The following FREM1 variants were observed in gnomAD, a reference collection of about 807,000 sequenced individuals.
The protein encoded by FREM1 is FRAS1-related extracellular matrix protein 1.
Under a neutral mutation model 210.1 loss-of-function variants are expected in FREM1, and 220 were observed. That is an observed-to-expected ratio of 1.05 (90% CI 0.94 to 1.17). The LOEUF is 1.17. FREM1 is among the 50% of genes most tolerant of loss of function. The pLI is 0.00. For missense variants in FREM1, 3,454 were observed against 2,675.5 expected (o/e 1.29, Z -6.42); for synonymous variants, 1,189 against 980.2 (o/e 1.21, Z -3.98).
intron 1 of FREM1, among the ~76,000 whole-genome samples, chr9:14,899,998 G>C (rs960048800): frequency 6.6e-6 from 1 of 152,186 alleles, no homozygotes; most frequent in Non-Finnish European, 1.5e-5. Flanking sequence ...TCCTGGAGTT[G>C]TGCAATGTGG....
chr9:14,825,548 T>TGTGTGTGTGTATATATATAC (rs1554685284), intron 10 of FREM1, among the ~76,000 whole-genome samples: 1 of 43,316 alleles, frequency 2.3e-5, no homozygotes, highest in African/African-American at 7.2e-5. Flanking sequence ...TGTGTGTGTG[T>TGTGTGTGTGTATATATATAC]ATATATATAT....
At chr9:14,782,468 C>T (rs1400953852) in intron 24 of FREM1, 7 of 331,568 alleles carry the variant, frequency 2.1e-5, no homozygotes, top group Non-Finnish European at 3.0e-5. Context: ...AGCAGACTGT[C>T]CTGTGGGCAT....
chr9:14,818,732 C>T (rs1032587522), intron 14 of FREM1, among the ~76,000 whole-genome samples: 5 of 152,292 alleles, frequency 3.3e-5, no homozygotes, highest in African/African-American at 7.2e-5. Flanking sequence ...TATTAGTTTA[C>T]GCCCTGCCTA....
rs2130929320 is a variant in FREM1 at position 14,829,312 on chromosome 9, T to G, written c.1882-4320A>C. Among the ~76,000 whole-genome samples the G allele has an allele frequency of 2.0e-5, 3 of 152,336 alleles. 1 individual carries two copies. The Middle Eastern group carries it at 0.01, about 518-fold the overall frequency. ...TGGTTGTGGAAAAGCTATTAATTAC[T>G]GTCTGAAAATGGTGCTTTGCCTGGC... On this transcript the variant is annotated intron_variant, in intron 10 of 36. Transcript: ENST00000380880.
Position 14,836,082 on chromosome 9 carries a change from T to C in FREM1, c.1881+5365A>G, listed in dbSNP as rs188628186. ...AAAGTGAGTAAGGTGCCCATAACTC[T>C]GAGCTTTCTTTGTTTGGGAAAATAA... is the stretch of plus-strand genomic sequence containing the variant. On this transcript the variant is annotated intron_variant, in intron 10 of 36. Coordinates refer to ENST00000380880, the MANE Select transcript of FREM1 (RefSeq NM_001379081.2). This position sits in a 1 kb window ranked among gnomAD's most constrained non-coding sequence, Gnocchi z 4.9. 1.6e-4 allele frequency among the ~76,000 whole-genome samples: 25 copies of C among 152,234 alleles called. No homozygotes were observed. The highest frequency in any genetic ancestry group is 3.4e-4 in the Non-Finnish European group (23 of 68,046).
Position 14,806,775 on chromosome 9 carries a change from C to A in FREM1, c.3160G>T (p.Asp1054Tyr). ...TVNHLSATDP[D>Y]TAADDLEFVL... Reference sequence around the variant, plus strand: ...AATTCCAAGTCATCTGCTGCAGTGTCAGGGTCAGTGGCGGACAAATGGTTA... The same window carrying A: ...AATTCCAAGTCATCTGCTGCAGTGTAAGGGTCAGTGGCGGACAAATGGTTA... The change falls in exon 18 of 37, where the codon GAC becomes TAC. Residue 1054 changes from aspartate (D) to tyrosine (Y), a missense_variant. Coordinates refer to ENST00000380880, the MANE Select transcript of FREM1 (RefSeq NM_001379081.2). 6.2e-7 allele frequency: 1 copy of A among 1,607,320 alleles called. No individual in the cohort carries two copies. Among genetic ancestry groups the A allele is most frequent in the African/African-American group, 1.3e-5 (1 of 74,934 alleles).
In FREM1 at chr9:14,789,110, C is replaced by T. The variant is rs1199262057; in HGVS notation, c.3986G>A (p.Gly1329Glu). The change falls in exon 23 of 37, where the codon GGG becomes GAG. Residue 1329 changes from glycine to glutamate, a missense_variant. Coordinates refer to ENST00000380880, the MANE Select transcript of FREM1 (RefSeq NM_001379081.2). ...PQNGQLQLKI[G>E]RDWVPLSPGM... ...AGGGGAGAGAGGAACCCAGTCCCTC[C>T]CTATCTGGAAGGAGCCAGAGTTAGT... is the stretch of plus-strand genomic sequence containing the variant. 3 of 1,581,622 alleles carry T rather than the reference C, an allele frequency of 1.9e-6. No homozygotes were observed. Among genetic ancestry groups the T allele is most frequent in the Admixed American group, 3.6e-5 (2 of 55,918 alleles).
intron 24 of FREM1, among the ~76,000 whole-genome samples, chr9:14,777,433 C>T (rs992999175): frequency 6.6e-6 from 1 of 152,078 alleles, no homozygotes; most frequent in African/African-American, 2.4e-5. Context: ...TCACTGTACA[C>T]CAAAGAAATG....
intron 2 of FREM1, among the ~76,000 whole-genome samples, chr9:14,865,534 T>C (rs1345889695): frequency 1.3e-5 from 2 of 152,218 alleles, no homozygotes; most frequent in Non-Finnish European, 2.9e-5. Flanking sequence ...ACATTTTCTG[T>C]GCAAGTCACA....
At chr9:14,897,474 CTG>C (rs34280241) in intron 1 of FREM1, among the ~76,000 whole-genome samples, 58,010 of 151,564 alleles carry the variant, frequency 0.38, 12,202 homozygotes, top group East Asian at 0.57. Context: ...GCTTTACCCA[CTG>C]ATGCAAGCAA....
chr9:14,744,795 A>G (rs568864693), intron 35 of FREM1, among the ~76,000 whole-genome samples: 1 of 152,338 alleles, frequency 6.6e-6, no homozygotes, highest in African/African-American at 2.4e-5. Flanking sequence ...GGGTAGATGC[A>G]TATAACTTTA....
chr9:14,769,996 G>A (rs1316579961), intron 26 of FREM1, 128 bp from the exon 27 acceptor site: 3 of 527,288 alleles, frequency 5.7e-6, no homozygotes, highest in East Asian at 6.7e-5. Context: ...TTTAAAACAA[G>A]AAATTAACAT....
At chr9:14,875,628 C>T (rs1264185747) in intron 1 of FREM1, among the ~76,000 whole-genome samples, 1 of 152,156 alleles carries the variant, frequency 6.6e-6, no homozygotes, top group Non-Finnish European at 1.5e-5. Flanking sequence ...GAATTTCCTC[C>T]TGTAGCTCTA....
chr9:14,874,903 G>A (rs202078825), intron 1 of FREM1, among the ~76,000 whole-genome samples: 1 of 152,074 alleles, frequency 6.6e-6, no homozygotes, highest in African/African-American at 2.4e-5. Flanking sequence ...TCTGTAAAGT[G>A]TTTTATTTCT....
rs74717265 is a variant in FREM1 at position 14,842,113 on chromosome 9, C to T, written c.1738+203G>A. Reference sequence around the variant, plus strand: ...GCTCTGGAAATCTGTAGATGCACAACCTTGGACAGATCAAATTAACTTTCC... The same window carrying T: ...GCTCTGGAAATCTGTAGATGCACAATCTTGGACAGATCAAATTAACTTTCC... On this transcript the variant is annotated intron_variant, in intron 9 of 36. Coordinates refer to ENST00000380880, the MANE Select transcript of FREM1 (RefSeq NM_001379081.2). Among the ~76,000 whole-genome samples, 12 of 152,222 alleles carry T rather than the reference C, an allele frequency of 7.9e-5. No individual in the cohort carries two copies. The East Asian group carries it at 2.3e-3, about 29-fold the overall frequency.
chr9:14,846,083 G>C lies in FREM1; in HGVS notation c.1270C>G (p.Leu424Val). Residue 424 changes from leucine to valine, a missense_variant, in exon 8 of 37, where the codon CTC (leucine) becomes GTC (valine). Transcript: ENST00000380880. ...PRVSWNTGLS[L>V]LEGQSRAITW... ...ATGGCTCGAGACTGCCCCTCAAGGA[G>C]ACTCAGACCTATGAAAGAAAGGAGA... 6.3e-7 allele frequency: 1 copy of C among 1,575,428 alleles called. No individual in the cohort carries two copies. The highest frequency in any genetic ancestry group is 1.2e-5 in the South Asian group (1 of 86,378).
chr9:14,840,768 G>A (rs1486672080), intron 10 of FREM1, among the ~76,000 whole-genome samples: 1 of 152,060 alleles, frequency 6.6e-6, no homozygotes, highest in Non-Finnish European at 1.5e-5. Context: ...CTCCTTTCAA[G>A]GAGTCTACTC....
At chr9:14,744,344 T>C (rs934031421) in intron 35 of FREM1, among the ~76,000 whole-genome samples, 2 of 152,160 alleles carry the variant, frequency 1.3e-5, no homozygotes, top group African/African-American at 4.8e-5. Flanking sequence ...AATAACCACT[T>C]ACAATAAGAC....
chr9:14,835,684 A>C (rs938011999), intron 10 of FREM1, among the ~76,000 whole-genome samples: 4 of 152,236 alleles, frequency 2.6e-5, no homozygotes, highest in Non-Finnish European at 4.4e-5. Flanking sequence ...TAAAAGTCTT[A>C]CCTGAAATTC....
Sources: allele counts gnomAD v4.1 joint callset (sites outside exome capture counted in the v4.1 genomes callset), GRCh38; gene constraint gnomAD v4.1.1; non-coding constraint Gnocchi (gnomAD v3.1); transcripts MANE v1.5; gene names NCBI Gene and HGNC (gene_info 2026-07-23, HGNC 2026-07-21).